Variants in LPP observed in about 807,000 individuals in gnomAD.
LPP encodes LIM domain containing preferred translocation partner in lipoma, also known as lipoma-preferred partner.
LPP carries 38 observed loss-of-function variants against 60.4 expected under a neutral mutation model. That is an observed-to-expected ratio of 0.63 (90% CI 0.49 to 0.83). The LOEUF is 0.83. Among genes scored for constraint, LPP ranks in the 40% least tolerant of loss-of-function variants. The pLI, the probability that LPP is intolerant of heterozygous loss-of-function variation, is 0.00. For synonymous variants in LPP, 328 were observed against 290.8 expected (o/e 1.13, Z -1.30); for missense variants, 902 against 783.6 (o/e 1.15, Z -1.80).
intron 1 of LPP, among the ~76,000 whole-genome samples, chr3:188,205,800 G>A (rs951743881): frequency 6.6e-6 from 1 of 152,154 alleles, no homozygotes; most frequent in African/African-American, 2.4e-5. Flanking sequence ...CTGAGCCTGA[G>A]AGACTCCAGG....
At chr3:188,735,696 T>A (rs542884396) in intron 8 of LPP, among the ~76,000 whole-genome samples, 2 of 152,278 alleles carry the variant, frequency 1.3e-5, no homozygotes, top group East Asian at 3.9e-4. Flanking sequence ...TAATAACATA[T>A]TTTAAAGTTA....
intron 2 of LPP, among the ~76,000 whole-genome samples, chr3:188,261,778 G>T (rs887636513): frequency 4.0e-5 from 6 of 151,898 alleles, no homozygotes; most frequent in Non-Finnish European, 7.4e-5. Context: ...GCTAGATGTG[G>T]TGGCACATAT....
intron 8 of LPP, among the ~76,000 whole-genome samples, chr3:188,737,357 C>T (rs554980775): frequency 3.9e-5 from 6 of 152,226 alleles, no homozygotes; most frequent in Admixed American, 1.3e-4. Context: ...TCTCTTCTGG[C>T]TCAAAGATTT....
intron 8 of LPP, among the ~76,000 whole-genome samples, chr3:188,717,621 T>C (rs1018457753): frequency 1.3e-5 from 2 of 152,140 alleles, no homozygotes; most frequent in African/African-American, 4.8e-5. Flanking sequence ...TTGTTTAGGG[T>C]ATCTTTGAGT....
intron 3 of LPP, among the ~76,000 whole-genome samples, chr3:188,373,444 T>A (rs1430504411): frequency 6.6e-6 from 1 of 152,376 alleles, no homozygotes; most frequent in Non-Finnish European, 1.5e-5. Context: ...GATTTGCATT[T>A]CTCTGATGGC....
intron 2 of LPP, among the ~76,000 whole-genome samples, chr3:188,265,982 A>G (rs1185141486): frequency 2.0e-5 from 3 of 151,648 alleles, no homozygotes; most frequent in Non-Finnish European, 4.4e-5. Context: ...GGGAGTGTGC[A>G]TTGCCTGTCT....
intron 7 of LPP, among the ~76,000 whole-genome samples, chr3:188,693,328 T>C (rs1397815157): frequency 6.6e-6 from 1 of 152,186 alleles, no homozygotes; most frequent in Non-Finnish European, 1.5e-5. Context: ...AGAGTACTTA[T>C]TTCATTGTAT....
intron 5 of LPP, among the ~76,000 whole-genome samples, chr3:188,497,448 G>A (rs1810570682): frequency 6.6e-6 from 1 of 152,084 alleles, no homozygotes; most frequent in Admixed American, 6.5e-5. Context: ...TAGAAATTAT[G>A]TCATCCCCAT....
intron 7 of LPP, among the ~76,000 whole-genome samples, chr3:188,672,654 G>C (rs936247834): frequency 2.0e-5 from 3 of 152,204 alleles, no homozygotes; most frequent in Non-Finnish European, 4.4e-5. Context: ...GGCAGGAGCA[G>C]AATAAGCTGT....
At chr3:188,787,815 C>T (rs1465195830) in intron 9 of LPP, among the ~76,000 whole-genome samples, 1 of 152,170 alleles carries the variant, frequency 6.6e-6, no homozygotes, top group East Asian at 1.9e-4. Context: ...ATTTCATCTG[C>T]TTCCGTGAGT....
At chr3:188,457,621 G>A (rs530862741) in intron 4 of LPP, among the ~76,000 whole-genome samples, 15 of 151,778 alleles carry the variant, frequency 9.9e-5, no homozygotes, top group African/African-American at 1.9e-4. Context: ...GGCCAGGTGC[G>A]GTGGCTCACA....
At position 188,764,350 on chromosome 3, in the gene LPP, G is replaced by A. The variant is rs1733337836; in HGVS notation, c.1410+4068G>A. 2.0e-5 allele frequency among the ~76,000 whole-genome samples: 3 copies of A among 152,052 alleles called. No homozygotes were observed. In the South Asian group the frequency reaches 6.2e-4, roughly 31 times the overall value. Reference sequence around the variant, plus strand: ...AAGGAATAAGCAGTTGTGATATTTTGTATACATGAAATTATTTACTAATAT... The same window carrying A: ...AAGGAATAAGCAGTTGTGATATTTTATATACATGAAATTATTTACTAATAT... On this transcript the variant is annotated intron_variant, in intron 9 of 11. Transcript: ENST00000617246.
chr3:188,184,526 T>C (rs370067301), intron 1 of LPP, among the ~76,000 whole-genome samples: 1 of 152,142 alleles, frequency 6.6e-6, no homozygotes, highest in Non-Finnish European at 1.5e-5. Context: ...TTGAAGGCTA[T>C]ATGGCATTCC....
intron 5 of LPP, among the ~76,000 whole-genome samples, chr3:188,512,666 T>C (rs1816147162): frequency 6.6e-6 from 1 of 152,144 alleles, no homozygotes; most frequent in Non-Finnish European, 1.5e-5. Context: ...ATATGGAATA[T>C]GGGACATGGG....
At chr3:188,240,178 A>G (rs558369200) in intron 2 of LPP, 3 of 183,332 alleles carry the variant, frequency 1.6e-5, no homozygotes, top group East Asian at 1.8e-4. Context: ...GTTTATGTGT[A>G]AATGATATCT....
intron 1 of LPP, among the ~76,000 whole-genome samples, chr3:188,201,208 G>T (rs2149088997): frequency 6.6e-6 from 1 of 152,268 alleles, no homozygotes; most frequent in East Asian, 1.9e-4. Flanking sequence ...TCTTCCACTG[G>T]GAGCCAATAC....
At chr3:188,189,540 A>G (rs548217364) in intron 1 of LPP, among the ~76,000 whole-genome samples, 1 of 152,330 alleles carries the variant, frequency 6.6e-6, no homozygotes, top group South Asian at 2.1e-4. Context: ...CTGGAATACA[A>G]ATTCCACATC....
intron 2 of LPP, among the ~76,000 whole-genome samples, chr3:188,231,459 C>T (rs1719927337): frequency 6.6e-6 from 1 of 152,192 alleles, no homozygotes; most frequent in Non-Finnish European, 1.5e-5. Context: ...GTAAAGTTGG[C>T]ATGGCTTTTA....
chr3:188,318,426 A>AAC (rs1755779942), intron 2 of LPP, among the ~76,000 whole-genome samples: 1 of 151,962 alleles, frequency 6.6e-6, no homozygotes, highest in African/African-American at 2.4e-5. Context: ...AACAAAAAAA[A>AAC]AAAAGAAAAA....
Sources: gnomAD v4.1 joint callset for allele counts (sites outside exome capture counted in the v4.1 genomes callset) on GRCh38, gnomAD v4.1.1 for gene constraint, MANE v1.5 for transcripts, NCBI Gene and HGNC (gene_info 2026-07-23, HGNC 2026-07-21) for gene names.